SP2: variants seen among roughly 807,000 people sequenced by gnomAD.
The protein encoded by SP2 is transcription factor Sp2.
SP2 carries 9 observed loss-of-function variants against 50.1 expected under a neutral mutation model. The observed-to-expected ratio is 0.18, with a 90% CI of 0.11 to 0.31. SP2 has a LOEUF of 0.31. Among genes scored for constraint, SP2 ranks in the 10% least tolerant of loss-of-function variants. The pLI, the probability that SP2 is intolerant of heterozygous loss-of-function variation, is 1.00. For missense variants in SP2, 581 were observed against 806.5 expected (o/e 0.72, Z 3.39); for synonymous variants, 313 against 326.6 (o/e 0.96, Z 0.45).
intron 3 of SP2, among the ~76,000 whole-genome samples, chr17:47,918,020 A>G (rs982949948): frequency 3.0e-4 from 46 of 152,158 alleles, no homozygotes; most frequent in Non-Finnish European, 6.5e-4. Flanking sequence ...CCAGGAGTCA[A>G]TTGAGATTTG....
intron 3 of SP2, 112 bp from the exon 4 acceptor site, chr17:47,922,850 A>C: frequency 2.3e-6 from 2 of 884,908 alleles, no homozygotes; most frequent in Non-Finnish European, 3.5e-6. Flanking sequence ...GGTGAATTGA[A>C]GAGACTTTTA....
rs1434755256 is a variant in SP2, at chr17:47,915,308, A to G, written c.8-4A>G. On this transcript the variant is annotated splice_polypyrimidine_tract_variant and splice_region_variant and intron_variant, in intron 1 of 6. Transcript: ENST00000376741. Reference sequence around the variant, plus strand: ...ACATTACTCCATCTCTTTTCTTCCAACAGATCCACAGACCAGCATGGCTGC... The same window carrying G: ...ACATTACTCCATCTCTTTTCTTCCAGCAGATCCACAGACCAGCATGGCTGC... The G allele has an allele frequency of 4.4e-6, 7 of 1,607,130 alleles. No individual in the cohort carries two copies. Among genetic ancestry groups the G allele is most frequent in the Admixed American group, 3.4e-5 (2 of 59,230 alleles).
chr17:47,927,434 G>A lies in SP2; in HGVS notation c.1742-290G>A, dbSNP rs1032204768. The stretch of plus-strand genomic sequence containing the variant: ...TGTAGTCCCAGCTATTTGAGAGGCT[G>A]AGGCAGGAGAATTGCTTGACCTGGG... On this transcript the variant is annotated intron_variant, in intron 6 of 6. Coordinates refer to ENST00000376741, the MANE Select transcript of SP2 (RefSeq NM_003110.6). 3.3e-5 allele frequency among the ~76,000 whole-genome samples: 5 copies of A among 151,506 alleles called. No homozygotes were observed. In the East Asian group the frequency reaches 9.7e-4, roughly 30 times the overall value.
At position 47,926,334 on chromosome 17, in the gene SP2, A is replaced by G. The variant is rs181161450; in HGVS notation, c.1741+793A>G. On this transcript the variant is annotated intron_variant, in intron 6 of 6. Transcript: ENST00000376741. ...CTTTTTGTTTTTTTTTTTTTTTAAG[A>G]CAGGGTCTCACTCTTTCACCCAGGC... is the stretch of plus-strand genomic sequence containing the variant. Among the ~76,000 whole-genome samples, 351 of 146,558 alleles carry G rather than the reference A, an allele frequency of 2.4e-3. 7 individuals are homozygous for G. Among genetic ancestry groups the G allele is most frequent in the East Asian group, 0.019 (93 of 4,932 alleles).
Position 47,912,842 on chromosome 17 carries a change from A to G in SP2, c.8-2470A>G, listed in dbSNP as rs190555045. Reference sequence around the variant, plus strand: ...ATGTGAACGGTTCTGCTTTCCCAATATGTATCCTTTTGTTTGTTTGTTTGT... The same window carrying G: ...ATGTGAACGGTTCTGCTTTCCCAATGTGTATCCTTTTGTTTGTTTGTTTGT... On this transcript the variant is annotated intron_variant, in intron 1 of 6. Transcript: ENST00000376741. 4.4e-4 allele frequency among the ~76,000 whole-genome samples: 67 copies of G among 151,364 alleles called. 1 individual carries two copies. The highest frequency in any genetic ancestry group is 8.0e-4 in the Non-Finnish European group (54 of 67,834).
At chr17:47,911,784 G>A (rs1278010437) in intron 1 of SP2, among the ~76,000 whole-genome samples, 8 of 147,528 alleles carry the variant, frequency 5.4e-5, no homozygotes, top group African/African-American at 1.0e-4. Context: ...CAACCTGGGC[G>A]ACAGAGCGAG....
At chr17:47,915,214 CA>C (rs60876460) in intron 1 of SP2, 97 bp from the exon 2 acceptor site, 38,191 of 689,922 alleles carry the variant, frequency 0.055, no homozygotes, top group South Asian at 0.078. Flanking sequence ...AATTCCGTCT[CA>C]AAAAAAAAAA....
intron 3 of SP2, among the ~76,000 whole-genome samples, chr17:47,920,189 C>T (rs543747177): frequency 2.0e-5 from 3 of 152,010 alleles, no homozygotes; most frequent in African/African-American, 7.2e-5. Context: ...CAGGTCGGCT[C>T]TCTGCAACCT....
At chr17:47,912,923 G>A (rs1567694799) in intron 1 of SP2, among the ~76,000 whole-genome samples, 1 of 151,256 alleles carries the variant, frequency 6.6e-6, no homozygotes, top group African/African-American at 2.4e-5. Context: ...GCAGTGGTAC[G>A]ATCTCAGCTC....
Position 47,916,649 on chromosome 17 carries a change from C to T in SP2, c.578C>T (p.Pro193Leu), listed in dbSNP as rs972302924. 1.2e-5 allele frequency: 19 copies of T among 1,613,898 alleles called. No homozygotes were observed. Among genetic ancestry groups the T allele is most frequent in the Non-Finnish European group, 1.6e-5 (19 of 1,179,946 alleles). The change falls in exon 3 of 7, where the codon CCC (proline) becomes CTC (leucine). Residue 193 changes from proline to leucine, a missense_variant. By Grantham distance (98) the Pro-to-Leu change is moderately conservative. This residue lies in a region of SP2 where 397 missense variants were observed against 491.0 expected (regional missense o/e 0.81). Transcript: ENST00000376741. This position sits in a 1 kb window ranked among gnomAD's most constrained non-coding sequence, Gnocchi z 4.7. The stretch of plus-strand genomic sequence containing the variant: ...CAGAAGTCGAGTACGACCACCACCC[C>T]CGTGCAGAGCGGGGCCAATGTGGTG... Reference protein sequence around the residue: ...PIQKSSTTTTPVQSGANVVKL... With the variant: ...PIQKSSTTTTLVQSGANVVKL...
At chr17:47,925,980 G>A (rs908629312) in intron 6 of SP2, among the ~76,000 whole-genome samples, 5 of 141,572 alleles carry the variant, frequency 3.5e-5, no homozygotes, top group Admixed American at 1.5e-4. Flanking sequence ...GAAGTGGTGC[G>A]ATCTCAGCTC....
In SP2 at chr17:47,901,295, G is replaced by A. The variant is rs544030331; in HGVS notation, c.7+5002G>A. Among the ~76,000 whole-genome samples the A allele has an allele frequency of 4.0e-4, 61 of 151,964 alleles. 1 individual carries two copies. Among genetic ancestry groups the A allele is most frequent in the Non-Finnish European group, 4.1e-4 (28 of 67,982 alleles). On this transcript the variant is annotated intron_variant, in intron 1 of 6. Transcript: ENST00000376741. ...CCAGAGTAGCTGGGACTACAGGCAC[G>A]TGCCACCACACCCAGCTAATTTTGT...
intron 1 of SP2, among the ~76,000 whole-genome samples, chr17:47,907,930 G>T (rs574085062): frequency 6.6e-6 from 1 of 152,156 alleles, no homozygotes; most frequent in Non-Finnish European, 1.5e-5. Flanking sequence ...CCAAACATCA[G>T]TGGGAAATGC....
intron 3 of SP2, among the ~76,000 whole-genome samples, chr17:47,922,542 A>T (rs1251362100): frequency 6.8e-6 from 1 of 147,980 alleles, no homozygotes; most frequent in Non-Finnish European, 1.5e-5. Flanking sequence ...TTTTTGAGAC[A>T]GCGTATTGCT....
At chr17:47,906,272 G>A (rs2034757947) in intron 1 of SP2, among the ~76,000 whole-genome samples, 2 of 152,192 alleles carry the variant, frequency 1.3e-5, no homozygotes. Flanking sequence ...TGATTGGTTG[G>A]CAGTGAGGGG....
intron 1 of SP2, chr17:47,897,541 A>T (rs1427054821): frequency 6.6e-6 from 1 of 152,276 alleles, no homozygotes; most frequent in East Asian, 1.9e-4. Context: ...TTCAAGGTGC[A>T]CTGGCATGCA....
intron 1 of SP2, among the ~76,000 whole-genome samples, chr17:47,900,648 A>G (rs1358917612): frequency 6.6e-6 from 1 of 152,178 alleles, no homozygotes; most frequent in Non-Finnish European, 1.5e-5. Flanking sequence ...GTGGTGGCAC[A>G]CGCCTGTAGT....
intron 1 of SP2, among the ~76,000 whole-genome samples, chr17:47,912,547 C>T (rs1022275413): frequency 4.7e-5 from 7 of 150,416 alleles, no homozygotes; most frequent in African/African-American, 1.7e-4. Flanking sequence ...CAGGTTCAAG[C>T]GATCCTCCCA....
intron 1 of SP2, chr17:47,909,645 C>T: frequency 1.1e-6 from 1 of 929,088 alleles, no homozygotes. Flanking sequence ...AGAAGGATGA[C>T]ATTACCTTTG....
Sources: gnomAD v4.1 joint callset for allele counts (sites outside exome capture counted in the v4.1 genomes callset) on GRCh38, gnomAD v4.1.1 for gene constraint, gnomAD v4.1.1 regional missense constraint, Gnocchi (gnomAD v3.1) non-coding constraint, MANE v1.5 for transcripts, NCBI Gene and HGNC (gene_info 2026-07-23, HGNC 2026-07-21) for gene names.